NOMO2: variants seen among roughly 807,000 people sequenced by gnomAD.
The protein encoded by NOMO2 is BOS complex subunit NOMO2.
Under a neutral mutation model 67.1 loss-of-function variants are expected in NOMO2, and 14 were observed. The ratio of observed to expected loss-of-function variants is 0.21; its 90% confidence interval spans 0.14 to 0.33. The LOEUF is 0.33. Among genes scored for constraint, NOMO2 ranks in the 10% least tolerant of loss-of-function variants. NOMO2 has a pLI of 1.00. For missense variants in NOMO2, 178 were observed against 761.0 expected, an observed-to-expected ratio of 0.23 and a Z score of 9.01; for synonymous variants, 80 against 305.9, an observed-to-expected ratio of 0.26 and a Z score of 7.71.
chr16:18,548,369 A>G (rs1163891315), intron 5 of NOMO2, among the ~76,000 whole-genome samples: 1 of 151,744 alleles, frequency 6.6e-6, no homozygotes, highest in Non-Finnish European at 1.5e-5. Context: ...TCAAAAATGA[A>G]AACTAGTTTC....
chr16:18,534,188 C>G (rs1423053411), intron 11 of NOMO2, among the ~76,000 whole-genome samples: 1 of 151,814 alleles, frequency 6.6e-6, no homozygotes, highest in African/African-American at 2.4e-5. Context: ...ATGAAAAACA[C>G]AGCCATTTCT....
chr16:18,531,270 C>T (rs1901291026), intron 13 of NOMO2, 102 bp from the exon 14 acceptor site: 3 of 770,968 alleles, frequency 3.9e-6, no homozygotes, highest in Middle Eastern at 3.8e-4. Context: ...CTGCTGAGCT[C>T]CTAAGAGGCA....
intron 11 of NOMO2, among the ~76,000 whole-genome samples, chr16:18,535,947 T>G (rs1375578432): frequency 6.6e-6 from 1 of 151,856 alleles, no homozygotes; most frequent in Admixed American, 6.6e-5. Flanking sequence ...CAGGAACGCA[T>G]CACCATGCCC....
At chr16:18,528,992 C>CATATATAT (rs60355905) in intron 15 of NOMO2, among the ~76,000 whole-genome samples, 1 of 12,314 alleles carries the variant, frequency 8.1e-5, no homozygotes, top group African/African-American at 2.7e-4. Flanking sequence ...AAAAAAAATA[C>CATATATAT]ATATATATAT....
At chr16:18,554,325 T>C (rs1476748029) in intron 3 of NOMO2, among the ~76,000 whole-genome samples, 2 of 151,918 alleles carry the variant, frequency 1.3e-5, no homozygotes, top group African/African-American at 4.8e-5. Flanking sequence ...GGGAAGTAAC[T>C]TGCCCAAAGT....
chr16:18,539,495 G>A (rs1421382986), intron 9 of NOMO2, among the ~76,000 whole-genome samples: 1 of 151,544 alleles, frequency 6.6e-6, no homozygotes, highest in Non-Finnish European at 1.5e-5. Context: ...AGTGGTTCAC[G>A]CCTGTAATCC....
At chr16:18,558,044 A>C (rs1901951757) in intron 1 of NOMO2, among the ~76,000 whole-genome samples, 1 of 151,032 alleles carries the variant, frequency 6.6e-6, no homozygotes, top group Non-Finnish European at 1.5e-5. Flanking sequence ...TTTCCTGTTT[A>C]TTTTAGTGGC....
At chr16:18,559,432 G>A (rs997742444) in intron 1 of NOMO2, among the ~76,000 whole-genome samples, 51 of 151,960 alleles carry the variant, frequency 3.4e-4, no homozygotes, top group African/African-American at 1.1e-3. Flanking sequence ...GACACGAGCC[G>A]CAATGAAACA....
At chr16:18,544,580 G>A (rs1039142989) in intron 6 of NOMO2, among the ~76,000 whole-genome samples, 7 of 151,780 alleles carry the variant, frequency 4.6e-5, no homozygotes, top group Non-Finnish European at 1.0e-4. Flanking sequence ...CAATCCAACT[G>A]TTTCTGTACC....
intron 11 of NOMO2, among the ~76,000 whole-genome samples, chr16:18,536,038 C>T (rs1241561624): frequency 6.6e-5 from 10 of 152,014 alleles, no homozygotes; most frequent in Admixed American, 1.3e-4. Context: ...CCTCATGATC[C>T]GCCCACCTCA....
chr16:18,529,410 T>G lies in NOMO2; in HGVS notation c.1806+91A>C. The G allele has an allele frequency of 1.9e-6, 3 of 1,611,032 alleles. 1 individual carries two copies. Among genetic ancestry groups the G allele is most frequent in the Non-Finnish European group, 2.5e-6 (3 of 1,179,468 alleles). ...GGCAGAAAAGGAAATCTGACTTGCC[T>G]ACGTTTACAATATTCCTGGGATGTT... On this transcript the variant is annotated intron_variant, in intron 15 of 30. Coordinates refer to ENST00000622306, the MANE Select transcript of NOMO2 (RefSeq NM_173614.4).
intron 2 of NOMO2, among the ~76,000 whole-genome samples, chr16:18,556,381 T>A: frequency 6.6e-6 from 1 of 151,096 alleles, no homozygotes; most frequent in Non-Finnish European, 1.5e-5. Flanking sequence ...AGGCAGAGGT[T>A]GCAGTGAGCC....
chr16:18,528,837 A>G (rs1596844884), intron 15 of NOMO2, among the ~76,000 whole-genome samples: 1 of 150,336 alleles, frequency 6.7e-6, no homozygotes, highest in East Asian at 1.9e-4. Flanking sequence ...GCATGGCGGC[A>G]CGCACCTCTA....
intron 15 of NOMO2, among the ~76,000 whole-genome samples, chr16:18,528,664 A>G (rs551411855): frequency 6.6e-6 from 1 of 151,876 alleles, no homozygotes; most frequent in African/African-American, 2.4e-5. Context: ...GAACAAATAC[A>G]CCAGAGAAGG....
chr16:18,541,243 G>GC (rs1901541641), intron 9 of NOMO2, among the ~76,000 whole-genome samples: 1 of 95,678 alleles, frequency 1.0e-5, no homozygotes, highest in African/African-American at 2.9e-5. Context: ...TCCTTGGGAT[G>GC]CCCCAAACCC....
chr16:18,538,662 C>G lies in NOMO2; in HGVS notation c.1084G>C (p.Asp362His). The G allele has an allele frequency of 6.2e-7, 1 of 1,613,512 alleles. No individual in the cohort carries two copies. The highest frequency in any genetic ancestry group is 8.5e-7 in the Non-Finnish European group (1 of 1,179,746). The change falls in exon 11 of 31, where the codon GAT (aspartate) becomes CAT (histidine). Residue 362 changes from aspartate to histidine, a missense_variant. Asp to His is a moderately conservative substitution (Grantham distance 81, BLOSUM62 -1). Transcript: ENST00000622306. ...ATGTTCTCAAGGCGGAATGAGCCAT[C>G]AGCTTTTGTTTTAACTGTAAAACAA... ...NNQIKVKTKADGSFRLENITT... is the reference protein window; with the variant it reads ...NNQIKVKTKAHGSFRLENITT...
At chr16:18,555,686 G>A (rs1267773643) in intron 2 of NOMO2, among the ~76,000 whole-genome samples, 1 of 140,164 alleles carries the variant, frequency 7.1e-6, no homozygotes, top group Non-Finnish European at 1.5e-5. Context: ...TTGGCTCACT[G>A]CAACCTCCGT....
chr16:18,528,848 G>C (rs1328211169), intron 15 of NOMO2, among the ~76,000 whole-genome samples: 1 of 148,858 alleles, frequency 6.7e-6, no homozygotes, highest in Non-Finnish European at 1.5e-5. Flanking sequence ...CGCACCTCTA[G>C]TCCCAGCTAC....
intron 4 of NOMO2, among the ~76,000 whole-genome samples, chr16:18,550,515 A>G (rs1176472395): frequency 1.3e-5 from 2 of 151,726 alleles, no homozygotes; most frequent in African/African-American, 4.8e-5. Context: ...CGTCACCGCA[A>G]AGGTAGAGGA....
Sources: allele counts gnomAD v4.1 joint callset (sites outside exome capture counted in the v4.1 genomes callset), GRCh38; gene constraint gnomAD v4.1.1; transcripts MANE v1.5; gene names NCBI Gene and HGNC (gene_info 2026-07-23, HGNC 2026-07-21).